EXOC4: variants seen among roughly 807,000 people sequenced by gnomAD.
EXOC4 encodes the protein exocyst complex component 4, also known as SEC8-like 1.
In EXOC4, 71 loss-of-function variants were observed where a neutral mutation model predicts 107.2. The ratio of observed to expected loss-of-function variants is 0.66; its 90% CI spans 0.55 to 0.81. The LOEUF is 0.81. EXOC4 is among the 30% of genes least tolerant of loss of function. EXOC4 has a pLI of 0.00. For synonymous variants in EXOC4, 456 were observed against 441.2 expected, an observed-to-expected ratio of 1.03 and a Z score of -0.42; for missense variants, 1,108 against 1,189.6, an observed-to-expected ratio of 0.93 and a Z score of 1.01.
intron 10 of EXOC4, among the ~76,000 whole-genome samples, chr7:133,648,349 G>C (rs190532727): frequency 6.6e-6 from 1 of 152,114 alleles, no homozygotes. Context: ...TTCTCTGTTG[G>C]CACTGTCTTC....
At chr7:133,484,603 T>C (rs1370890619) in intron 9 of EXOC4, among the ~76,000 whole-genome samples, 1 of 151,776 alleles carries the variant, frequency 6.6e-6, no homozygotes, top group Non-Finnish European at 1.5e-5. Flanking sequence ...AGCTCACAGG[T>C]TTATCAATGA....
chr7:134,072,089 G>C, the EXOC4 span, among the ~76,000 whole-genome samples: 4 of 152,168 alleles, frequency 2.6e-5, no homozygotes, highest in Admixed American at 2.6e-4. Context: ...ACAAACCTTT[G>C]GTTCAGGGGC....
At position 133,445,617 on chromosome 7, in the gene EXOC4, TACAA is replaced by T. The variant is rs10638999; in HGVS notation, c.1183-29685_1183-29682del. Reference sequence around the variant, plus strand: ...CCACCTCAGAGGCCTGGACAGTTACTACAAACAAACAAACAAACAAACAAACAAA... The same window carrying T: ...CCACCTCAGAGGCCTGGACAGTTACTACAAACAAACAAACAAACAAACAAA... On this transcript the variant is annotated intron_variant, in intron 7 of 17. Coordinates refer to ENST00000253861, the MANE Select transcript of EXOC4 (RefSeq NM_021807.4). Among the ~76,000 whole-genome samples, 678 of 150,576 alleles carry T rather than the reference TACAA, an allele frequency of 4.5e-3. 4 individuals carry two copies. The highest frequency in any genetic ancestry group is 0.012 in the African/African-American group (473 of 40,950).
At chr7:133,974,665 C>G (rs533323602) in intron 14 of EXOC4, among the ~76,000 whole-genome samples, 6 of 152,276 alleles carry the variant, frequency 3.9e-5, no homozygotes, top group South Asian at 2.1e-4. Context: ...AACAAGAGTT[C>G]TGTTTTGGGG....
In EXOC4 at chr7:133,623,816, G is replaced by A. The variant is rs1052042320; in HGVS notation, c.1418-6229G>A. Among the ~76,000 whole-genome samples the A allele has an allele frequency of 2.0e-5, 3 of 152,112 alleles. No homozygotes were observed. The East Asian group carries it at 5.8e-4, about 29-fold the overall frequency. On this transcript the variant is annotated intron_variant, in intron 9 of 17. Coordinates refer to ENST00000253861, the MANE Select transcript of EXOC4 (RefSeq NM_021807.4). ...CCCAAGGTCACATACTTGTAACAAGGTTACCTTTGTGACAAGTTTAGTGGT... is the reference window on the plus strand; with the variant it reads ...CCCAAGGTCACATACTTGTAACAAGATTACCTTTGTGACAAGTTTAGTGGT...
the EXOC4 span, among the ~76,000 whole-genome samples, chr7:134,072,747 T>C: frequency 1.3e-5 from 2 of 152,192 alleles, no homozygotes; most frequent in Non-Finnish European, 2.9e-5. Context: ...TAATAGCTCC[T>C]GTCCAACAGA....
chr7:133,649,361 T>C (rs1371455489), intron 10 of EXOC4, among the ~76,000 whole-genome samples: 1 of 152,110 alleles, frequency 6.6e-6, no homozygotes, highest in Non-Finnish European at 1.5e-5. Context: ...ATGATAGGGT[T>C]CATAGCCCAG....
chr7:134,046,683 G>C (rs886540821), intron 17 of EXOC4, among the ~76,000 whole-genome samples: 34 of 151,848 alleles, frequency 2.2e-4, no homozygotes, highest in African/African-American at 7.7e-4. Flanking sequence ...GTTAATGTTG[G>C]TTCCCAGGGA....
chr7:133,440,672 G>T (rs1343680832), intron 7 of EXOC4, among the ~76,000 whole-genome samples: 1 of 152,194 alleles, frequency 6.6e-6, no homozygotes, highest in Non-Finnish European at 1.5e-5. Flanking sequence ...AGATGGCAAT[G>T]GGAGTGACCT....
intron 11 of EXOC4, among the ~76,000 whole-genome samples, chr7:133,846,404 T>G (rs1798127712): frequency 6.6e-6 from 1 of 152,188 alleles, no homozygotes; most frequent in African/African-American, 2.4e-5. Context: ...GAGCTGTGTG[T>G]GGGTGGCTTG....
chr7:133,913,832 A>G (rs953724908), intron 12 of EXOC4, among the ~76,000 whole-genome samples: 1 of 152,230 alleles, frequency 6.6e-6, no homozygotes. Flanking sequence ...GTGCAAGAAG[A>G]TGAGACTGCC....
chr7:133,661,696 A>AAAAC (rs1793687411), intron 10 of EXOC4, among the ~76,000 whole-genome samples: 3 of 149,462 alleles, frequency 2.0e-5, no homozygotes, highest in Non-Finnish European at 1.5e-5. Flanking sequence ...AAACAAAAAA[A>AAAAC]AAAAAAACAA....
At chr7:134,085,737 G>A in the EXOC4 span, among the ~76,000 whole-genome samples, 1 of 152,282 alleles carries the variant, frequency 6.6e-6, no homozygotes, top group African/African-American at 2.4e-5. Context: ...TATCCCTAGG[G>A]TGTTTGTCAA....
chr7:133,502,523 T>C (rs931386878), intron 9 of EXOC4, among the ~76,000 whole-genome samples: 6 of 152,168 alleles, frequency 3.9e-5, no homozygotes, highest in Non-Finnish European at 5.9e-5. Context: ...AATGCTAATT[T>C]GCTTTTTTGT....
chr7:133,589,694 A>G (rs1801494349), intron 9 of EXOC4, among the ~76,000 whole-genome samples: 1 of 152,148 alleles, frequency 6.6e-6, no homozygotes, highest in Non-Finnish European at 1.5e-5. Flanking sequence ...TGTGCTGTTC[A>G]TTGTCGGCCC....
chr7:133,372,739 A>T (rs767778081), intron 6 of EXOC4, among the ~76,000 whole-genome samples: 1 of 152,218 alleles, frequency 6.6e-6, no homozygotes, highest in Non-Finnish European at 1.5e-5. Flanking sequence ...ACTTCATGCC[A>T]TTGGGACATT....
At chr7:133,632,769 G>T (rs1802620181) in intron 10 of EXOC4, among the ~76,000 whole-genome samples, 1 of 151,810 alleles carries the variant, frequency 6.6e-6, no homozygotes, top group South Asian at 2.1e-4. Flanking sequence ...CTCTTGTTCA[G>T]ATGTAGTTAC....
At chr7:133,613,657 C>T (rs1047090414) in intron 9 of EXOC4, among the ~76,000 whole-genome samples, 26 of 151,680 alleles carry the variant, frequency 1.7e-4, no homozygotes, top group African/African-American at 5.6e-4. Flanking sequence ...TTGAGGTCTG[C>T]AGCTGTGGTT....
chr7:133,340,978 T>A (rs1659622120), intron 5 of EXOC4, among the ~76,000 whole-genome samples: 1 of 152,114 alleles, frequency 6.6e-6, no homozygotes, highest in Non-Finnish European at 1.5e-5. Flanking sequence ...CAGCTTTTTG[T>A]TTTATTAATT....
Sources: allele counts gnomAD v4.1 joint callset (sites outside exome capture counted in the v4.1 genomes callset), GRCh38; gene constraint gnomAD v4.1.1; transcripts MANE v1.5; gene names NCBI Gene and HGNC (gene_info 2026-07-23, HGNC 2026-07-21).